The following CSMD1 variants were observed in gnomAD, a reference collection of about 807,000 sequenced individuals.
CSMD1 encodes CUB and sushi domain-containing protein 1.
A neutral mutation model predicts 417.5 loss-of-function variants in CSMD1; 213 were observed. The observed-to-expected ratio is 0.51, with a 90% CI of 0.46 to 0.57. CSMD1 has a LOEUF of 0.57. Among genes scored for constraint, CSMD1 ranks in the 20% least tolerant of loss-of-function variants. CSMD1 has a pLI of 0.00. For missense variants in CSMD1, 6,923 were observed against 4,529.7 expected (o/e 1.53, Z -15.17); for synonymous variants, 2,862 against 1,736.8 (o/e 1.65, Z -16.11).
intron 50 of CSMD1, among the ~76,000 whole-genome samples, chr8:3,036,248 ATT>A (rs1395035668): frequency 6.6e-6 from 1 of 152,234 alleles, no homozygotes; most frequent in East Asian, 1.9e-4. Context: ...GCTTTAAGAT[ATT>A]TAGACAAGGG....
chr8:4,329,986 A>G (rs1799777059), intron 3 of CSMD1, among the ~76,000 whole-genome samples: 1 of 152,136 alleles, frequency 6.6e-6, no homozygotes. Flanking sequence ...AAAGCCAAGC[A>G]GATGCCAGCA....
chr8:4,121,474 T>C (rs919656980), intron 3 of CSMD1, among the ~76,000 whole-genome samples: 1 of 152,218 alleles, frequency 6.6e-6, no homozygotes, highest in African/African-American at 2.4e-5. Context: ...TACTTGCTTC[T>C]AGTTACTTTC....
intron 2 of CSMD1, among the ~76,000 whole-genome samples, chr8:4,514,688 T>G (rs1224630540): frequency 6.6e-6 from 1 of 152,204 alleles, no homozygotes; most frequent in Admixed American, 6.5e-5. Flanking sequence ...ATAGAGTACC[T>G]GGTACCTAAT....
At chr8:4,261,792 T>C (rs1240266469) in intron 3 of CSMD1, among the ~76,000 whole-genome samples, 1 of 152,150 alleles carries the variant, frequency 6.6e-6, no homozygotes, top group Non-Finnish European at 1.5e-5. Context: ...AGTTTGATAA[T>C]GGTAATCATT....
chr8:4,263,128 CTTA>C (rs979061039), intron 3 of CSMD1, among the ~76,000 whole-genome samples: 1 of 152,028 alleles, frequency 6.6e-6, no homozygotes, highest in African/African-American at 2.4e-5. Flanking sequence ...GGTGATATCA[CTTA>C]TTTTTTCAAA....
At chr8:4,660,685 G>C (rs1293381061) in intron 1 of CSMD1, among the ~76,000 whole-genome samples, 1 of 65,160 alleles carries the variant, frequency 1.5e-5, no homozygotes, top group Non-Finnish European at 2.9e-5. Flanking sequence ...GGAATGAAAA[G>C]ACAAGCTACA....
chr8:4,937,625 T>G (rs1409260800), intron 1 of CSMD1, among the ~76,000 whole-genome samples: 1 of 152,204 alleles, frequency 6.6e-6, no homozygotes, highest in Non-Finnish European at 1.5e-5. Flanking sequence ...TCAGAGTATC[T>G]GACGGAGGCA....
At chr8:3,145,427 G>A (rs1419735950) in intron 40 of CSMD1, among the ~76,000 whole-genome samples, 2 of 152,176 alleles carry the variant, frequency 1.3e-5, no homozygotes, top group African/African-American at 2.4e-5. Context: ...CTTGCAAGGG[G>A]ATCAGGGTGC....
intron 1 of CSMD1, among the ~76,000 whole-genome samples, chr8:4,795,213 T>G (rs13252319): frequency 1.4e-4 from 20 of 143,194 alleles, no homozygotes; most frequent in East Asian, 4.4e-4. Context: ...CATATTGAGG[T>G]GCAATCAGAA....
At chr8:3,301,480 G>T (rs975262462) in intron 25 of CSMD1, among the ~76,000 whole-genome samples, 6 of 152,138 alleles carry the variant, frequency 3.9e-5, no homozygotes, top group African/African-American at 1.4e-4. Flanking sequence ...GAAATGATGA[G>T]ATCAGGGAAC....
intron 25 of CSMD1, among the ~76,000 whole-genome samples, chr8:3,306,592 G>C (rs182114499): frequency 1.3e-5 from 2 of 152,248 alleles, no homozygotes; most frequent in Admixed American, 6.5e-5. Context: ...GGGACATGCA[G>C]ATTAAGGCTA....
chr8:3,283,568 G>A (rs1287967055), intron 26 of CSMD1, among the ~76,000 whole-genome samples: 1 of 152,090 alleles, frequency 6.6e-6, no homozygotes, highest in African/African-American at 2.4e-5. Context: ...GCAGTTTTGA[G>A]GAAACTGCAG....
At chr8:4,932,398 G>T (rs192113768) in intron 1 of CSMD1, among the ~76,000 whole-genome samples, 1 of 151,838 alleles carries the variant, frequency 6.6e-6, no homozygotes, top group Admixed American at 6.6e-5. Flanking sequence ...GACAGAGTTT[G>T]TTCCTTCTGT....
At chr8:4,077,662 G>A (rs922913877) in intron 3 of CSMD1, among the ~76,000 whole-genome samples, 1 of 152,034 alleles carries the variant, frequency 6.6e-6, no homozygotes, top group Non-Finnish European at 1.5e-5. Context: ...AGGTATATTT[G>A]ATCTTTTTCA....
At chr8:3,711,778 A>T (rs1801521948) in intron 6 of CSMD1, among the ~76,000 whole-genome samples, 1 of 152,212 alleles carries the variant, frequency 6.6e-6, no homozygotes, top group Non-Finnish European at 1.5e-5. Context: ...AAATAACTTT[A>T]TCTTGAAGTT....
Position 3,815,340 on chromosome 8 carries a change from C to G in CSMD1, c.819-61298G>C, listed in dbSNP as rs562180642. On this transcript the variant is annotated intron_variant, in intron 5 of 69. Coordinates refer to ENST00000635120, the MANE Select transcript of CSMD1 (RefSeq NM_033225.6). ...CACTTCTGAACAAATCATGCATTTT[C>G]GGAACACATCAGGAGTTAGAGAACT... Among the ~76,000 whole-genome samples the G allele has an allele frequency of 2.6e-5, 4 of 152,138 alleles. No homozygotes were observed. In the East Asian group the frequency reaches 7.7e-4, roughly 29 times the overall value.
At chr8:3,564,585 C>T (rs1048017089) in intron 10 of CSMD1, among the ~76,000 whole-genome samples, 2 of 149,578 alleles carry the variant, frequency 1.3e-5, no homozygotes, top group Admixed American at 1.3e-4. Flanking sequence ...AAAAGCATGG[C>T]CCTTGTTCTC....
intron 7 of CSMD1, among the ~76,000 whole-genome samples, chr8:3,703,874 C>G (rs1413950291): frequency 6.6e-6 from 1 of 152,070 alleles, no homozygotes; most frequent in Non-Finnish European, 1.5e-5. Context: ...AGTTTGAGAC[C>G]AGCCTGGCCA....
At chr8:3,624,329 G>T (rs567079383) in intron 7 of CSMD1, among the ~76,000 whole-genome samples, 181 of 152,306 alleles carry the variant, frequency 1.2e-3, no homozygotes, top group Non-Finnish European at 2.1e-3. Context: ...TCCACCTTTA[G>T]AGAACAAGAG....
Sources: gnomAD v4.1 joint callset for allele counts (sites outside exome capture counted in the v4.1 genomes callset) on GRCh38, gnomAD v4.1.1 for gene constraint, MANE v1.5 for transcripts, NCBI Gene and HGNC (gene_info 2026-07-23, HGNC 2026-07-21) for gene names.